The following ATP5MC2 variants were observed in gnomAD, a reference collection of about 807,000 sequenced individuals.
ATP5MC2 encodes ATP synthase F(0) complex subunit C2, mitochondrial.
In ATP5MC2, 11 loss-of-function variants were observed where a neutral mutation model predicts 13.5. The observed-to-expected ratio is 0.81, with a 90% CI of 0.51 to 1.35. The LOEUF (loss-of-function observed/expected upper bound fraction) is 1.35. Ranked by LOEUF, ATP5MC2 falls within the 40% of genes most tolerant of loss-of-function variation. The probability of loss-of-function intolerance (pLI) is 0.00; values close to 1 mark genes in which losing one functional copy is unlikely to be tolerated. For missense variants in ATP5MC2, 132 were observed against 175.0 expected (o/e 0.75, Z 1.39); for synonymous variants, 64 against 69.7 (o/e 0.92, Z 0.41).
chr12:53,679,878 T>G (rs1194578154), upstream of ATP5MC2, among the ~76,000 whole-genome samples: 1 of 152,222 alleles, frequency 6.6e-6, no homozygotes, highest in Admixed American at 6.5e-5. Context: ...ATCACTGGTA[T>G]CCAGGCTTCT....
upstream of ATP5MC2, among the ~76,000 whole-genome samples, chr12:53,680,600 C>T (rs1945335298): frequency 6.6e-6 from 1 of 151,846 alleles, no homozygotes; most frequent in African/African-American, 2.4e-5. Context: ...GAAGCTGAGG[C>T]AGGGAGATTG....
upstream of ATP5MC2, among the ~76,000 whole-genome samples, chr12:53,679,489 T>G (rs1945329777): frequency 6.6e-6 from 1 of 152,252 alleles, no homozygotes; most frequent in African/African-American, 2.4e-5. Context: ...TACTAAATAG[T>G]TGAATAACTA....
chr12:53,669,442 A>G (rs1352649873), intron 3 of ATP5MC2, 101 bp from the exon 4 acceptor site: 2 of 1,447,096 alleles, frequency 1.4e-6, no homozygotes, highest in East Asian at 5.0e-5. Flanking sequence ...TTCTCCCCCA[A>G]ACAGAAAATT....
At chr12:53,676,946 C>A (rs1945292370), upstream of ATP5MC2, 1 of 152,582 alleles carries the variant, frequency 6.6e-6, no homozygotes, top group Non-Finnish European at 1.5e-5. Flanking sequence ...CCTAGGCCTC[C>A]TTGTCTCCCA....
chr12:53,669,899 A>G lies in ATP5MC2; in HGVS notation c.89T>C (p.Leu30Pro), dbSNP rs745985019. 30 of 1,614,096 alleles carry G rather than the reference A, an allele frequency of 1.9e-5. No individual in the cohort carries two copies. Among genetic ancestry groups the G allele is most frequent in the Non-Finnish European group, 2.5e-5 (30 of 1,179,974 alleles). ...ATCTGTCAGTATCTCCGGTCGTTTC[A>G]GCACCACTGCAGATAGCGGACGGCT... is the stretch of plus-strand genomic sequence containing the variant. The part of the protein sequence containing the change: ...LLSRPLSAVV[L>P]KRPEILTDES... The change falls in exon 3 of 5, where the codon CTG (leucine) becomes CCG (proline). Residue 30 changes from leucine to proline, a missense_variant. Leu to Pro is a moderately conservative substitution (Grantham distance 98). Transcript: ENST00000394349.
chr12:53,679,121 G>A (rs993349397), upstream of ATP5MC2, among the ~76,000 whole-genome samples: 1 of 152,000 alleles, frequency 6.6e-6, no homozygotes, highest in Non-Finnish European at 1.5e-5. Context: ...GTTTTGATTT[G>A]TTTATATATG....
chr12:53,665,639 T>C (rs1944892553), intron 4 of ATP5MC2, among the ~76,000 whole-genome samples: 1 of 152,098 alleles, frequency 6.6e-6, no homozygotes, highest in African/African-American at 2.4e-5. Context: ...CAATCTAAAA[T>C]CCTGTAACAT....
chr12:53,671,878 G>A (rs1045969630), intron 2 of ATP5MC2, among the ~76,000 whole-genome samples: 12 of 151,960 alleles, frequency 7.9e-5, no homozygotes, highest in Admixed American at 2.6e-4. Flanking sequence ...CTCGGATCAC[G>A]AGGTCAGGAG....
At chr12:53,670,110 A>C (rs773342703) in intron 2 of ATP5MC2, 162 bp from the exon 3 acceptor site, 1 of 692,924 alleles carries the variant, frequency 1.4e-6, no homozygotes, top group Non-Finnish European at 2.6e-6. Flanking sequence ...TCCTTTTAGC[A>C]AAGTCTAAAT....
chr12:53,672,475 A>G, intron 2 of ATP5MC2, 101 bp downstream of exon 2: 1 of 1,254,682 alleles, frequency 8.0e-7, no homozygotes, highest in Admixed American at 2.0e-5. Flanking sequence ...GCCCGCCTGG[A>G]CCTCCTCTCC....
chr12:53,680,479 T>C (rs539024182), upstream of ATP5MC2, among the ~76,000 whole-genome samples: 55 of 152,262 alleles, frequency 3.6e-4, no homozygotes, highest in African/African-American at 1.3e-3. Flanking sequence ...GTGGAAGCAG[T>C]ATGACTTCAA....
At position 53,665,221 on chromosome 12, in the gene ATP5MC2, C is replaced by T; in HGVS notation, c.*93G>A. ...TTTTCTCTGTCAAACCCTGAGCCAACCACGTTCCCCAGGCTGCCTGGGGAG... is the reference window on the plus strand; with the variant it reads ...TTTTCTCTGTCAAACCCTGAGCCAATCACGTTCCCCAGGCTGCCTGGGGAG... On this transcript the variant is annotated 3_prime_UTR_variant, in exon 5 of 5. Transcript: ENST00000394349. The T allele has an allele frequency of 1.1e-6, 1 of 947,640 alleles. No individual in the cohort carries two copies. The highest frequency in any genetic ancestry group is 1.6e-6 in the Non-Finnish European group (1 of 624,000). 58.7% of individuals were successfully genotyped at this position (947,640 alleles called of 1,614,324 possible).
intron 3 of ATP5MC2, 27 bp from the exon 4 acceptor site, chr12:53,669,368 A>T: frequency 6.3e-7 from 1 of 1,597,954 alleles, no homozygotes; most frequent in Non-Finnish European, 8.5e-7. Context: ...GGTAGAAGGT[A>T]AAGTTTTTTG....
chr12:53,676,188 G>A (rs751197135), upstream of ATP5MC2: 1 of 1,613,434 alleles, frequency 6.2e-7, no homozygotes, highest in South Asian at 1.1e-5. Context: ...GATCAGCTCA[G>A]GCATCACAGC....
intron 1 of ATP5MC2, among the ~76,000 whole-genome samples, chr12:53,675,754 A>G (rs1945244022): frequency 6.6e-6 from 1 of 152,228 alleles, no homozygotes; most frequent in Admixed American, 6.5e-5. Context: ...GAGGGCGAGA[A>G]AAGAGTGTTT....
upstream of ATP5MC2, chr12:53,676,962 G>T (rs1393008891): frequency 1.3e-5 from 2 of 152,408 alleles, no homozygotes; most frequent in East Asian, 3.8e-4. Context: ...TCCCAGACAG[G>T]ACCTGCCCTG....
chr12:53,670,170 GAA>G lies in ATP5MC2; in HGVS notation c.40-224_40-223del, dbSNP rs1032316640. On this transcript the variant is annotated intron_variant, in intron 2 of 4. Coordinates refer to ENST00000394349, the MANE Select transcript of ATP5MC2 (RefSeq NM_005176.7). ...CTTCTCAGACTTTGCTTTAAGGAAA[GAA>G]AGTCTACTTCCTTTGGGCCATAAGG... 2.6e-5 allele frequency: 15 copies of G among 579,100 alleles called. No individual in the cohort carries two copies. The Admixed American group carries it at 3.3e-4, about 13-fold the overall frequency. The allele number at this position is 579,100 out of a possible 1,614,324, so 35.9% of individuals were successfully genotyped here.
chr12:53,675,819 A>G (rs907186723), intron 1 of ATP5MC2, among the ~76,000 whole-genome samples: 8 of 152,240 alleles, frequency 5.3e-5, no homozygotes, highest in African/African-American at 1.9e-4. Context: ...AACTTTGGCC[A>G]GCTCCAAGGT....
At chr12:53,668,349 T>G (rs1226028635) in intron 4 of ATP5MC2, among the ~76,000 whole-genome samples, 2 of 149,808 alleles carry the variant, frequency 1.3e-5, no homozygotes, top group Non-Finnish European at 3.0e-5. Flanking sequence ...TAGGCTGGAG[T>G]ACAGTGGCAT....
Sources: gnomAD v4.1 joint callset for allele counts (sites outside exome capture counted in the v4.1 genomes callset) on GRCh38, gnomAD v4.1.1 for gene constraint, MANE v1.5 for transcripts, NCBI Gene and HGNC (gene_info 2026-07-23, HGNC 2026-07-21) for gene names.